Variants in ADAMTS9 observed in about 807,000 individuals in gnomAD.
ADAMTS9 encodes A disintegrin and metalloproteinase with thrombospondin motifs 9.
ADAMTS9 carries 107 observed loss-of-function variants against 257.1 expected under a neutral mutation model. The ratio of observed to expected loss-of-function variants is 0.42; its 90% CI spans 0.36 to 0.49. The LOEUF is 0.49. ADAMTS9 is among the 20% of genes least tolerant of loss of function. The pLI is 0.03. For missense variants in ADAMTS9, 2,353 were observed against 2,469.1 expected, an observed-to-expected ratio of 0.95 and a Z score of 1.00; for synonymous variants, 982 against 880.9, an observed-to-expected ratio of 1.11 and a Z score of -2.03.
At chr3:64,521,951 C>T (rs2082857364) in intron 39 of ADAMTS9, among the ~76,000 whole-genome samples, 1 of 152,080 alleles carries the variant, frequency 6.6e-6, no homozygotes, top group East Asian at 1.9e-4. Flanking sequence ...ATAAATAGGC[C>T]AGCTCTGTAG....
intron 33 of ADAMTS9, 63 bp downstream of exon 33, chr3:64,541,775 C>G (rs183894560): frequency 7.5e-6 from 12 of 1,597,640 alleles, no homozygotes; most frequent in Admixed American, 6.9e-5. Context: ...GGCAGGCAAT[C>G]AAATGAACAA....
In ADAMTS9 at chr3:64,681,253, G is replaced by T. The variant is rs1351924421; in HGVS notation, c.627C>A (p.Arg209=). 5 of 1,613,910 alleles carry T rather than the reference G, an allele frequency of 3.1e-6. No homozygotes were observed. In the East Asian group the frequency reaches 1.1e-4, roughly 36 times the overall value. The change falls in exon 3 of 40, where the codon CGC becomes CGA. Residue 209 remains arginine (R), a synonymous_variant. Coordinates refer to ENST00000498707, the MANE Select transcript of ADAMTS9 (RefSeq NM_182920.2). ...TTGAGGGCTCTCTCTGGGGGGCGCT[G>T]CGCCTATAAATGATGTGGGGTTTGT... ...EQNKPHIIYR[R]SAPQREPSTG... is the part of the protein sequence containing the mutation.
At chr3:64,519,693 A>G (rs554107688) in intron 39 of ADAMTS9, among the ~76,000 whole-genome samples, 2 of 152,328 alleles carry the variant, frequency 1.3e-5, no homozygotes, top group African/African-American at 4.8e-5. Flanking sequence ...TAAAAACAAA[A>G]ACAATATGAC....
chr3:64,619,681 AG>A (rs959218110), intron 19 of ADAMTS9, among the ~76,000 whole-genome samples: 12 of 152,256 alleles, frequency 7.9e-5, no homozygotes, highest in East Asian at 7.7e-4. Flanking sequence ...TATAACTGTT[AG>A]AAAAAATAGT....
intron 14 of ADAMTS9, 135 bp downstream of exon 14, chr3:64,633,337 C>T (rs1364608362): frequency 1.5e-6 from 2 of 1,334,380 alleles, no homozygotes; most frequent in East Asian, 4.6e-5. Context: ...GTTGCTGATC[C>T]CGGGGCCACA....
intron 11 of ADAMTS9, among the ~76,000 whole-genome samples, chr3:64,644,133 G>A (rs960508936): frequency 2.6e-5 from 4 of 152,166 alleles, no homozygotes; most frequent in Non-Finnish European, 5.9e-5. Context: ...AAATAACAGT[G>A]GCAATGATAA....
intron 28 of ADAMTS9, 135 bp from the exon 29 acceptor site, chr3:64,568,670 A>G: frequency 1.9e-6 from 2 of 1,037,512 alleles, no homozygotes; most frequent in Non-Finnish European, 1.4e-6. Context: ...GCCAGTTTGG[A>G]TAATATCTCA....
intron 28 of ADAMTS9, chr3:64,588,704 T>TA (rs1476136218): frequency 6.6e-6 from 1 of 152,174 alleles, no homozygotes; most frequent in Non-Finnish European, 1.5e-5. Context: ...GTGGACTTTT[T>TA]AAATCCATGA....
intron 4 of ADAMTS9, among the ~76,000 whole-genome samples, chr3:64,658,135 G>A (rs531941767): frequency 3.3e-5 from 5 of 152,252 alleles, no homozygotes; most frequent in South Asian, 4.2e-4. Flanking sequence ...CACAGGCAGC[G>A]TCCAAGTGAT....
At chr3:64,685,102 CCAAA>C (rs1701862305) in intron 2 of ADAMTS9, 1 of 152,326 alleles carries the variant, frequency 6.6e-6, no homozygotes, top group Non-Finnish European at 1.5e-5. Context: ...CCGCCCACCC[CCAAA>C]CAATCTCGAC....
chr3:64,686,687 C>G lies in ADAMTS9; in HGVS notation c.397G>C (p.Gly133Arg), dbSNP rs770247728. The change falls in exon 2 of 40, where the codon GGG (glycine) becomes CGG (arginine). Residue 133 changes from glycine (G) to arginine (R), a missense_variant. Coordinates refer to ENST00000498707, the MANE Select transcript of ADAMTS9 (RefSeq NM_182920.2). This position sits in a 1 kb window ranked among gnomAD's most constrained non-coding sequence, Gnocchi z 4.6. Reference sequence around the variant, plus strand: ...GAATAAAACTTGGTCTGATTCACCCCGGGCGTCCCGAGGAGGGTGACAGTG... The same window carrying G: ...GAATAAAACTTGGTCTGATTCACCCGGGGCGTCCCGAGGAGGGTGACAGTG... Reference protein sequence around the residue: ...LFTVTLLGTPGVNQTKFYSEE... With the variant: ...LFTVTLLGTPRVNQTKFYSEE... 1.9e-6 allele frequency: 3 copies of G among 1,614,188 alleles called. No individual in the cohort carries two copies. The highest frequency in any genetic ancestry group is 1.6e-4 in the Middle Eastern group (1 of 6,062).
At chr3:64,673,525 GT>G (rs1701543827) in intron 3 of ADAMTS9, among the ~76,000 whole-genome samples, 1 of 152,182 alleles carries the variant, frequency 6.6e-6, no homozygotes, top group South Asian at 2.1e-4. Flanking sequence ...CGACAACAAA[GT>G]GAAAAGTTGC....
rs748544425 is a variant in ADAMTS9, at chr3:64,654,588, G to A, written c.1194C>T (p.Asp398=). The A allele has an allele frequency of 6.2e-7, 1 of 1,614,020 alleles. No homozygotes were observed. Among genetic ancestry groups the A allele is most frequent in the Non-Finnish European group, 8.5e-7 (1 of 1,180,028 alleles). The change falls in exon 7 of 40, where the codon GAC becomes GAT. Residue 398 remains aspartate (D), a synonymous_variant. Transcript: ENST00000498707. ...AGAACTCACCTAAGGTATCACATTTGTCGTGAGCTCTGCAGATATCCTGTC... is the reference window on the plus strand; with the variant it reads ...AGAACTCACCTAAGGTATCACATTTATCGTGAGCTCTGCAGATATCCTGTC... ...LTRQDICRAH[D]KCDTLGLAEL...
At chr3:64,518,132 G>A (rs1433364027) in intron 39 of ADAMTS9, among the ~76,000 whole-genome samples, 2 of 152,216 alleles carry the variant, frequency 1.3e-5, no homozygotes, top group Non-Finnish European at 2.9e-5. Flanking sequence ...GCAATGATCT[G>A]CCTGAGAATG....
rs114367511 is a variant in ADAMTS9, at chr3:64,527,233, T to C, written c.5719-4973A>G. On this transcript the variant is annotated intron_variant, in intron 38 of 39. Transcript: ENST00000498707. ...AGGCCTTCTAAAAATCTCTTTTCGA[T>C]GATTATTTTGTTAGCCTGGTTTGAG... Among the ~76,000 whole-genome samples, 915 of 152,352 alleles carry C rather than the reference T, an allele frequency of 6.0e-3. 4 individuals carry two copies. The highest frequency in any genetic ancestry group is 8.7e-3 in the Non-Finnish European group (592 of 68,022).
rs1333787805 is a variant in ADAMTS9, at chr3:64,515,723, T to C, written c.*1404A>G. 1.3e-5 allele frequency: 2 copies of C among 152,212 alleles called. No homozygotes were observed. Among genetic ancestry groups the C allele is most frequent in the African/African-American group, 4.8e-5 (2 of 41,452 alleles). The allele number at this position is 152,212 out of a possible 1,614,324, so 9.4% of individuals were successfully genotyped here. ...CATTAATAATGGAGAATAACACTTA[T>C]TCATATACTGAATATAACTTTTCCT... is the stretch of plus-strand genomic sequence containing the variant. On this transcript the variant is annotated 3_prime_UTR_variant, in exon 40 of 40. Transcript: ENST00000498707.
At chr3:64,598,955 G>C (rs1468070713) in intron 26 of ADAMTS9, among the ~76,000 whole-genome samples, 2 of 151,968 alleles carry the variant, frequency 1.3e-5, no homozygotes, top group Non-Finnish European at 2.9e-5. Context: ...GATTCTGGAA[G>C]AAACAGCTCT....
chr3:64,614,835 TTTTC>T (rs1208512723), intron 21 of ADAMTS9: 5 of 130,968 alleles, frequency 3.8e-5, no homozygotes, highest in Non-Finnish European at 7.5e-5. Context: ...GGTCCATTTC[TTTTC>T]TTTTTTTTTT....
chr3:64,544,187 G>A (rs1224430140), intron 32 of ADAMTS9, among the ~76,000 whole-genome samples: 1 of 151,408 alleles, frequency 6.6e-6, no homozygotes, highest in Non-Finnish European at 1.5e-5. Flanking sequence ...TGGCCATACT[G>A]CCCAAGGTAA....
Sources: allele counts gnomAD v4.1 joint callset (sites outside exome capture counted in the v4.1 genomes callset), GRCh38; gene constraint gnomAD v4.1.1; non-coding constraint Gnocchi (gnomAD v3.1); transcripts MANE v1.5; gene names NCBI Gene and HGNC (gene_info 2026-07-23, HGNC 2026-07-21).